PPP3CA: variants seen among roughly 807,000 people sequenced by gnomAD.
PPP3CA encodes protein phosphatase 3 catalytic subunit alpha.
PPP3CA carries 14 observed loss-of-function variants against 66.5 expected under a neutral mutation model. That is an observed-to-expected ratio of 0.21 (90% confidence interval 0.14 to 0.33). PPP3CA has a LOEUF of 0.33. PPP3CA is among the 10% of genes least tolerant of loss of function. The pLI, the probability that PPP3CA is intolerant of heterozygous loss-of-function variation, is 1.00. For synonymous variants in PPP3CA, 232 were observed against 226.2 expected, an observed-to-expected ratio of 1.03 and a Z score of -0.23; for missense variants, 317 against 639.5, an observed-to-expected ratio of 0.50 and a Z score of 5.44.
chr4:101,161,223 G>T (rs1344308058), intron 2 of PPP3CA, among the ~76,000 whole-genome samples: 1 of 152,048 alleles, frequency 6.6e-6, no homozygotes, highest in Non-Finnish European at 1.5e-5. Context: ...ATATCATCTA[G>T]GTTTGTGTAA....
intron 1 of PPP3CA, among the ~76,000 whole-genome samples, chr4:101,215,930 C>A (rs1725439044): frequency 6.6e-6 from 1 of 152,076 alleles, no homozygotes; most frequent in African/African-American, 2.4e-5. Context: ...CAAAGCTCAA[C>A]AAAAGCACTA....
At chr4:101,095,279 C>G (rs911905823) in intron 5 of PPP3CA, among the ~76,000 whole-genome samples, 5 of 152,002 alleles carry the variant, frequency 3.3e-5, no homozygotes, top group Admixed American at 2.0e-4. Context: ...AAGGGTAGGA[C>G]AGTAGAGGAG....
At chr4:101,299,106 GTTTTTTTTTTTTTTTTT>G (rs556244769) in intron 1 of PPP3CA, among the ~76,000 whole-genome samples, 1 of 85,554 alleles carries the variant, frequency 1.2e-5, no homozygotes, top group African/African-American at 5.6e-5. Context: ...GCCATATATC[GTTTTTTTTTTTTTTTTT>G]TTTTTTTTTG....
At chr4:101,156,899 T>C (rs986809811) in intron 2 of PPP3CA, among the ~76,000 whole-genome samples, 2 of 152,208 alleles carry the variant, frequency 1.3e-5, no homozygotes, top group African/African-American at 4.8e-5. Flanking sequence ...AACGTTATTT[T>C]AGCAAAATTA....
intron 2 of PPP3CA, among the ~76,000 whole-genome samples, chr4:101,165,974 G>C (rs189494175): frequency 1.3e-3 from 200 of 152,250 alleles, no homozygotes; most frequent in Admixed American, 2.8e-3. Context: ...AATCAGTTAA[G>C]TAAAAATTTA....
chr4:101,178,966 T>G (rs1035715534), intron 2 of PPP3CA, among the ~76,000 whole-genome samples: 4 of 152,136 alleles, frequency 2.6e-5, no homozygotes, highest in African/African-American at 9.7e-5. Flanking sequence ...ATTATTTCTA[T>G]GACCCCTGGC....
At chr4:101,230,869 T>C (rs1725939295) in intron 1 of PPP3CA, among the ~76,000 whole-genome samples, 1 of 151,790 alleles carries the variant, frequency 6.6e-6, no homozygotes, top group Non-Finnish European at 1.5e-5. Context: ...CCTGAATACA[T>C]CACAATCGTT....
At chr4:101,080,792 G>A (rs1364979919) in intron 7 of PPP3CA, among the ~76,000 whole-genome samples, 166 bp from the exon 8 acceptor site, 2 of 152,030 alleles carry the variant, frequency 1.3e-5, no homozygotes, top group Non-Finnish European at 1.5e-5. Context: ...TTATACACAG[G>A]TATTAATACA....
chr4:101,225,735 T>C lies in PPP3CA; in HGVS notation c.59-29619A>G, dbSNP rs575572643. ...GTATACATAAAATATACTTAAGAAA[T>C]GATATGATGACTACTAATAGGAAAA... On this transcript the variant is annotated intron_variant, in intron 1 of 13. Transcript: ENST00000394854. Among the ~76,000 whole-genome samples the C allele has an allele frequency of 8.1e-4, 123 of 151,776 alleles. 2 individuals carry two copies. In the South Asian group the frequency reaches 0.024, roughly 30 times the overall value.
chr4:101,070,020 C>G (rs977901553), intron 8 of PPP3CA, among the ~76,000 whole-genome samples: 1 of 152,020 alleles, frequency 6.6e-6, no homozygotes, highest in Non-Finnish European at 1.5e-5. Flanking sequence ...GGGTTGGCAC[C>G]CCTAACTTCT....
Position 101,214,780 on chromosome 4 carries a change from A to G in PPP3CA, c.59-18664T>C, listed in dbSNP as rs189210081. ...ACTGAAATAATCAGTGATCAAAGGC[A>G]AAGGGCCAAATTTTGTTATGAAAGT... is the stretch of plus-strand genomic sequence containing the variant. On this transcript the variant is annotated intron_variant, in intron 1 of 13. Coordinates refer to ENST00000394854, the MANE Select transcript of PPP3CA (RefSeq NM_000944.5). Among the ~76,000 whole-genome samples the G allele has an allele frequency of 2.4e-4, 37 of 152,248 alleles. No individual in the cohort carries two copies. In the Middle Eastern group the frequency reaches 0.014, roughly 56 times the overall value.
chr4:101,321,001 A>G (rs1387139466), intron 1 of PPP3CA, among the ~76,000 whole-genome samples: 1 of 152,248 alleles, frequency 6.6e-6, no homozygotes, highest in Non-Finnish European at 1.5e-5. Context: ...GGTAAAGACA[A>G]GAAAAACATT....
At chr4:101,137,168 A>G (rs2850977) in intron 2 of PPP3CA, among the ~76,000 whole-genome samples, 83,230 of 152,026 alleles carry the variant, frequency 0.55, 25,148 homozygotes, top group African/African-American at 0.8. Context: ...ACATAAAAGA[A>G]GGGCTCAACA....
At chr4:101,156,423 G>A (rs557392805) in intron 2 of PPP3CA, among the ~76,000 whole-genome samples, 1 of 152,346 alleles carries the variant, frequency 6.6e-6, no homozygotes, top group Admixed American at 6.5e-5. Context: ...GCTCCCGCCT[G>A]TAATCCCAGC....
intron 2 of PPP3CA, among the ~76,000 whole-genome samples, chr4:101,133,831 C>T (rs1722527656): frequency 6.6e-6 from 1 of 152,132 alleles, no homozygotes; most frequent in African/African-American, 2.4e-5. Flanking sequence ...CATCAAGCTA[C>T]CTGACTTCAA....
chr4:101,232,485 G>C (rs1489154840), intron 1 of PPP3CA, among the ~76,000 whole-genome samples: 2 of 151,766 alleles, frequency 1.3e-5, no homozygotes, highest in Admixed American at 6.6e-5. Flanking sequence ...AATAAAATCA[G>C]CAAGAGTATA....
Position 101,106,463 on chromosome 4 carries a change from A to AGAAAGAAGAGAAGAGAAGAGAAGAGAAG in PPP3CA, c.384+2490_384+2491insCTTCTCTTCTCTTCTCTTCTCTTCTTTC, listed in dbSNP as rs1560605247. On this transcript the variant is annotated intron_variant, in intron 3 of 13. Coordinates refer to ENST00000394854, the MANE Select transcript of PPP3CA (RefSeq NM_000944.5). ...AAAGAAAGAAAGAAAGAGAAAAGAA[A>AGAAAGAAGAGAAGAGAAGAGAAGAGAAG]AGAAAAGAAAAGAAAAGAAAAGAAA... is the stretch of plus-strand genomic sequence containing the variant. Among the ~76,000 whole-genome samples the AGAAAGAAGAGAAGAGAAGAGAAGAGAAG allele has an allele frequency of 4.7e-4, 16 of 33,758 alleles. 1 individual carries two copies. The highest frequency in any genetic ancestry group is 7.5e-4 in the Non-Finnish European group (13 of 17,368). 22.1% of individuals were successfully genotyped at this position (33,758 alleles called of 152,430 possible). A position where few individuals can be genotyped will look rare whatever the true frequency, so the allele number is the denominator to read the frequency against.
intron 2 of PPP3CA, among the ~76,000 whole-genome samples, chr4:101,114,897 C>T (rs1179334778): frequency 6.6e-6 from 1 of 151,964 alleles, no homozygotes; most frequent in East Asian, 1.9e-4. Flanking sequence ...CCCAATATCA[C>T]TGTTGGAAAG....
At chr4:101,176,150 G>A (rs979329646) in intron 2 of PPP3CA, among the ~76,000 whole-genome samples, 9 of 152,074 alleles carry the variant, frequency 5.9e-5, no homozygotes, top group Non-Finnish European at 5.9e-5. Flanking sequence ...AGGACAAAAT[G>A]AGCAGTACAT....
Sources: allele counts gnomAD v4.1 joint callset (sites outside exome capture counted in the v4.1 genomes callset), GRCh38; gene constraint gnomAD v4.1.1; transcripts MANE v1.5; gene names NCBI Gene and HGNC (gene_info 2026-07-23, HGNC 2026-07-21).